The following GLRB variants were observed in gnomAD, a reference collection of about 807,000 sequenced individuals.
The protein encoded by GLRB is glycine receptor subunit beta.
GLRB carries 33 observed loss-of-function variants against 54.2 expected under a neutral mutation model. The observed-to-expected ratio is 0.61, with a 90% CI of 0.46 to 0.81. GLRB has a LOEUF of 0.81. Ranked by LOEUF, GLRB falls within the 40% of genes least tolerant of loss-of-function variation. GLRB has a pLI of 0.00. For missense variants in GLRB, 572 were observed against 584.6 expected (o/e 0.98, Z 0.22); for synonymous variants, 209 against 208.2 (o/e 1.00, Z -0.03).
chr4:157,161,536 A>G (rs1172905175), intron 9 of GLRB, among the ~76,000 whole-genome samples: 1 of 152,088 alleles, frequency 6.6e-6, no homozygotes, highest in Non-Finnish European at 1.5e-5. Context: ...GTGGTGACAA[A>G]ATCTCTCAGC....
intron 8 of GLRB, among the ~76,000 whole-genome samples, chr4:157,151,274 T>C (rs928181075): frequency 3.3e-5 from 5 of 152,178 alleles, no homozygotes; most frequent in South Asian, 2.1e-4. Context: ...ATAGAAAAAT[T>C]AACTTAGAAT....
chr4:157,148,491 T>C (rs1736899078), intron 8 of GLRB, among the ~76,000 whole-genome samples: 1 of 152,220 alleles, frequency 6.6e-6, no homozygotes, highest in Non-Finnish European at 1.5e-5. Flanking sequence ...TTTTCTAACA[T>C]GAACATTTAC....
chr4:157,119,602 T>C (rs188528486), intron 2 of GLRB, among the ~76,000 whole-genome samples: 127 of 151,770 alleles, frequency 8.4e-4, no homozygotes, highest in African/African-American at 3.0e-3. Context: ...ATTGTTAAAA[T>C]ATATATATTT....
At chr4:157,083,315 C>T (rs920698035) in intron 2 of GLRB, among the ~76,000 whole-genome samples, 3 of 152,024 alleles carry the variant, frequency 2.0e-5, no homozygotes, top group South Asian at 4.2e-4. Flanking sequence ...AGAAAGTAGA[C>T]TTTGTTGCTT....
chr4:157,154,594 A>G (rs1038200479), intron 9 of GLRB, among the ~76,000 whole-genome samples: 20 of 151,406 alleles, frequency 1.3e-4, no homozygotes, highest in African/African-American at 3.9e-4. Context: ...TGTCTGGCTA[A>G]TTTTGTATTT....
At chr4:157,082,305 C>T (rs561712318) in intron 2 of GLRB, among the ~76,000 whole-genome samples, 1 of 152,206 alleles carries the variant, frequency 6.6e-6, no homozygotes, top group Non-Finnish European at 1.5e-5. Context: ...CCCACAGTTC[C>T]CCAATTGCCA....
intron 2 of GLRB, among the ~76,000 whole-genome samples, chr4:157,097,892 G>T (rs1734872887): frequency 6.6e-6 from 1 of 152,058 alleles, no homozygotes. Context: ...ATCATGGCAG[G>T]TGCCTGTAAT....
At chr4:157,095,262 TGGTA>T (rs907612935) in intron 2 of GLRB, among the ~76,000 whole-genome samples, 21 of 148,318 alleles carry the variant, frequency 1.4e-4, no homozygotes, top group African/African-American at 5.2e-4. Flanking sequence ...ATATGTGCCT[TGGTA>T]GGTCATCATA....
At chr4:157,148,232 A>T (rs1236717041) in intron 8 of GLRB, among the ~76,000 whole-genome samples, 1 of 152,096 alleles carries the variant, frequency 6.6e-6, no homozygotes, top group East Asian at 1.9e-4. Flanking sequence ...TCCATCTTTC[A>T]TTCCTGATAT....
At chr4:157,169,404 G>C (rs544516102) in intron 9 of GLRB, among the ~76,000 whole-genome samples, 82 of 152,160 alleles carry the variant, frequency 5.4e-4, no homozygotes, top group African/African-American at 1.9e-3. Context: ...TAATCTAAGA[G>C]CATTTTGATT....
At chr4:157,162,827 ACT>A (rs1737560775) in intron 9 of GLRB, among the ~76,000 whole-genome samples, 1 of 151,972 alleles carries the variant, frequency 6.6e-6, no homozygotes, top group Non-Finnish European at 1.5e-5. Context: ...CAGATCTCAA[ACT>A]CTGTGCTGGG....
At chr4:157,101,178 T>C (rs1254431790) in intron 2 of GLRB, among the ~76,000 whole-genome samples, 3 of 152,156 alleles carry the variant, frequency 2.0e-5, no homozygotes, top group Non-Finnish European at 2.9e-5. Context: ...TGATAGATGA[T>C]ATTAATCATT....
chr4:157,162,830 C>G (rs1167982886), intron 9 of GLRB, among the ~76,000 whole-genome samples: 3 of 152,180 alleles, frequency 2.0e-5, no homozygotes, highest in South Asian at 2.1e-4. Flanking sequence ...ATCTCAAACT[C>G]TGTGCTGGGA....
At chr4:157,150,187 T>A (rs1736966606) in intron 8 of GLRB, among the ~76,000 whole-genome samples, 1 of 152,108 alleles carries the variant, frequency 6.6e-6, no homozygotes, top group South Asian at 2.1e-4. Flanking sequence ...GGCTATATTA[T>A]GATAATGCTA....
chr4:157,159,394 A>G (rs1257191885), intron 9 of GLRB, among the ~76,000 whole-genome samples: 1 of 152,148 alleles, frequency 6.6e-6, no homozygotes, highest in East Asian at 1.9e-4. Flanking sequence ...AAGAGAGGGC[A>G]TCCCTGTCTT....
At chr4:157,114,871 G>A (rs896490246) in intron 2 of GLRB, among the ~76,000 whole-genome samples, 2 of 151,658 alleles carry the variant, frequency 1.3e-5, no homozygotes. Context: ...TCACGGTTGA[G>A]GTTAACTTGA....
chr4:157,128,867 G>T (rs1736112774), intron 4 of GLRB, among the ~76,000 whole-genome samples: 1 of 151,668 alleles, frequency 6.6e-6, no homozygotes, highest in Non-Finnish European at 1.5e-5. Context: ...GCTTTTAATA[G>T]CCCTATTGAC....
At chr4:157,127,436 G>C (rs1022856196) in intron 4 of GLRB, among the ~76,000 whole-genome samples, 1 of 151,784 alleles carries the variant, frequency 6.6e-6, no homozygotes, top group East Asian at 1.9e-4. Context: ...GCCCCCTAAA[G>C]ATGTTCATGT....
intron 4 of GLRB, among the ~76,000 whole-genome samples, chr4:157,131,152 A>C (rs944906810): frequency 7.2e-5 from 11 of 151,772 alleles, no homozygotes; most frequent in Non-Finnish European, 1.5e-4. Context: ...GTCCTGGAGA[A>C]TCACAGGCAC....
Sources: gnomAD v4.1 joint callset for allele counts (sites outside exome capture counted in the v4.1 genomes callset) on GRCh38, gnomAD v4.1.1 for gene constraint, MANE v1.5 for transcripts, NCBI Gene and HGNC (gene_info 2026-07-23, HGNC 2026-07-21) for gene names.